Variants in NBAS observed in about 807,000 individuals in gnomAD.
The protein encoded by NBAS is NBAS subunit of NRZ tethering complex.
NBAS carries 219 observed loss-of-function variants against 302.5 expected under a neutral mutation model. The observed-to-expected ratio is 0.72, with a 90% confidence interval of 0.65 to 0.81. NBAS has a LOEUF of 0.81. NBAS is among the 30% of genes least tolerant of loss of function. The probability of loss-of-function intolerance (pLI) is 0.00; values close to 1 mark genes in which losing one functional copy is unlikely to be tolerated. For synonymous variants in NBAS, 1,118 were observed against 1,021.6 expected (o/e 1.09, Z -1.80); for missense variants, 2,932 against 2,841.6 (o/e 1.03, Z -0.72).
intron 44 of NBAS, among the ~76,000 whole-genome samples, chr2:15,245,296 C>A (rs1668042805): frequency 2.0e-5 from 3 of 152,104 alleles, no homozygotes; most frequent in Admixed American, 2.0e-4. Flanking sequence ...TTCAACCACC[C>A]CGGCACCCTT....
At chr2:15,211,308 T>C (rs956394713) in intron 48 of NBAS, among the ~76,000 whole-genome samples, 2 of 152,128 alleles carry the variant, frequency 1.3e-5, no homozygotes, top group African/African-American at 4.8e-5. Flanking sequence ...AGAAATGCAA[T>C]GTGCAACCTA....
chr2:15,201,374 G>A (rs929778474), intron 48 of NBAS, among the ~76,000 whole-genome samples: 1 of 152,176 alleles, frequency 6.6e-6, no homozygotes, highest in Non-Finnish European at 1.5e-5. Flanking sequence ...GCCTGTTAAA[G>A]CCACTTCTTT....
chr2:15,244,561 G>A (rs906639857), intron 44 of NBAS, among the ~76,000 whole-genome samples: 4 of 152,128 alleles, frequency 2.6e-5, no homozygotes, highest in Non-Finnish European at 4.4e-5. Context: ...CAAGGTGAGC[G>A]CTTAATGCAA....
At chr2:14,792,316 C>A in the NBAS span, among the ~76,000 whole-genome samples, 1 of 152,196 alleles carries the variant, frequency 6.6e-6, no homozygotes, top group Non-Finnish European at 1.5e-5. Flanking sequence ...CTACCAAACA[C>A]CATAGCCTAG....
chr2:15,558,778 A>G, intron 1 of NBAS, 144 bp from the exon 2 acceptor site: 1 of 699,656 alleles, frequency 1.4e-6, no homozygotes, highest in South Asian at 1.6e-5. Flanking sequence ...AACTACTTAA[A>G]GACTGGATGT....
chr2:15,280,637 T>C (rs950950817), intron 42 of NBAS, among the ~76,000 whole-genome samples: 2 of 152,202 alleles, frequency 1.3e-5, no homozygotes, highest in Non-Finnish European at 2.9e-5. Flanking sequence ...TTCTACTCAA[T>C]AAAGCAATGA....
intron 28 of NBAS, among the ~76,000 whole-genome samples, chr2:15,390,096 CA>C (rs1266960031): frequency 6.6e-6 from 1 of 152,052 alleles, no homozygotes; most frequent in African/African-American, 2.4e-5. Context: ...TAAACGCCTA[CA>C]ATAAAACTGC....
chr2:15,139,510 G>T, the NBAS span, among the ~76,000 whole-genome samples: 1 of 152,094 alleles, frequency 6.6e-6, no homozygotes, highest in Non-Finnish European at 1.5e-5. Context: ...TGGTGTGTGT[G>T]TGTGTGTGTG....
chr2:15,166,700 C>T (rs1664034986), downstream of NBAS, among the ~76,000 whole-genome samples: 1 of 152,168 alleles, frequency 6.6e-6, no homozygotes, highest in Non-Finnish European at 1.5e-5. Context: ...AGGCATTCTG[C>T]ACACTCCCTC....
intron 31 of NBAS, among the ~76,000 whole-genome samples, chr2:15,372,927 T>C (rs1233393311): frequency 6.6e-6 from 1 of 152,128 alleles, no homozygotes; most frequent in Non-Finnish European, 1.5e-5. Flanking sequence ...ATTATACCAA[T>C]CTGCTTGAAT....
chr2:15,256,610 A>G (rs1371578776), intron 44 of NBAS, among the ~76,000 whole-genome samples: 1 of 152,058 alleles, frequency 6.6e-6, no homozygotes, highest in Non-Finnish European at 1.5e-5. Context: ...ATTATAGTGA[A>G]AGTGGGCATC....
At chr2:14,832,748 T>C in the NBAS span, among the ~76,000 whole-genome samples, 1 of 152,224 alleles carries the variant, frequency 6.6e-6, no homozygotes, top group Admixed American at 6.5e-5. Flanking sequence ...GCATGGATTC[T>C]ACACTAGGGT....
intron 21 of NBAS, among the ~76,000 whole-genome samples, chr2:15,432,446 G>T (rs1174649860): frequency 6.6e-6 from 1 of 152,002 alleles, no homozygotes; most frequent in Non-Finnish European, 1.5e-5. Flanking sequence ...CTGCCAGCAG[G>T]AAAGGAATTA....
chr2:15,494,889 C>A (rs1251851301), intron 11 of NBAS, among the ~76,000 whole-genome samples: 1 of 152,144 alleles, frequency 6.6e-6, no homozygotes, highest in Non-Finnish European at 1.5e-5. Context: ...TTTTTACCCC[C>A]CTTTTTTCAT....
intron 25 of NBAS, among the ~76,000 whole-genome samples, chr2:15,407,900 A>G (rs566970765): frequency 3.6e-4 from 55 of 152,310 alleles, no homozygotes; most frequent in Non-Finnish European, 6.5e-4. Context: ...ATGTTCTAGG[A>G]GAGAACCCAC....
At chr2:14,805,544 G>T in the NBAS span, among the ~76,000 whole-genome samples, 1 of 152,152 alleles carries the variant, frequency 6.6e-6, no homozygotes, top group African/African-American at 2.4e-5. Context: ...TCCCAAGAAT[G>T]GATCTTTGTT....
chr2:15,453,363 G>A (rs1416484938), intron 21 of NBAS, among the ~76,000 whole-genome samples: 1 of 152,210 alleles, frequency 6.6e-6, no homozygotes, highest in Non-Finnish European at 1.5e-5. Flanking sequence ...TTGCAACATT[G>A]TTCTAAATGA....
At chr2:14,852,736 G>C in the NBAS span, among the ~76,000 whole-genome samples, 14 of 148,978 alleles carry the variant, frequency 9.4e-5, no homozygotes, top group South Asian at 2.1e-4. Flanking sequence ...ATAGATCAAT[G>C]GAACAAAACA....
the NBAS span, among the ~76,000 whole-genome samples, chr2:14,936,235 C>T: frequency 1.3e-5 from 2 of 152,314 alleles, no homozygotes; most frequent in East Asian, 3.9e-4. Flanking sequence ...AGCTTGCAAA[C>T]CATCCGTACT....
Sources: allele counts gnomAD v4.1 joint callset (sites outside exome capture counted in the v4.1 genomes callset), GRCh38; gene constraint gnomAD v4.1.1; transcripts MANE v1.5; gene names NCBI Gene and HGNC (gene_info 2026-07-23, HGNC 2026-07-21).